Variants in IMMP2L observed in about 807,000 individuals in gnomAD.
IMMP2L encodes the protein mitochondrial inner membrane protease subunit 2.
IMMP2L carries 18 observed loss-of-function variants against 19.3 expected under a neutral mutation model. The ratio of observed to expected loss-of-function variants is 0.93; its 90% CI spans 0.64 to 1.38. The LOEUF is 1.38. Among genes scored for constraint, IMMP2L ranks in the 40% most tolerant of loss-of-function variants. IMMP2L has a pLI of 0.00. For missense variants in IMMP2L, 233 were observed against 218.2 expected (o/e 1.07, Z -0.43); for synonymous variants, 76 against 73.0 (o/e 1.04, Z -0.21).
At chr7:111,527,111 A>G (rs1445485507) in intron 1 of IMMP2L, among the ~76,000 whole-genome samples, 1 of 152,008 alleles carries the variant, frequency 6.6e-6, no homozygotes, top group Non-Finnish European at 1.5e-5. Flanking sequence ...GTCTATAACC[A>G]GTTCCATGAC....
Position 111,031,876 on chromosome 7 carries a change from T to C in IMMP2L, c.240-68311A>G, listed in dbSNP as rs147805685. On this transcript the variant is annotated intron_variant, in intron 3 of 5. Coordinates refer to ENST00000405709, the MANE Select transcript of IMMP2L (RefSeq NM_032549.4). The stretch of plus-strand genomic sequence containing the variant: ...ACATAATGAAAAGGCACTTTACCTC[T>C]GTGGTCTTACTCCAGAAAAAACCTA... Among the ~76,000 whole-genome samples, 1,075 of 152,082 alleles carry C rather than the reference T, an allele frequency of 7.1e-3. 13 individuals are homozygous for C. The highest frequency in any genetic ancestry group is 0.025 in the African/African-American group (1,023 of 41,468).
intron 3 of IMMP2L, among the ~76,000 whole-genome samples, chr7:111,352,439 C>T (rs956702683): frequency 2.0e-5 from 3 of 149,906 alleles, no homozygotes; most frequent in African/African-American, 7.4e-5. Context: ...AAACTCCTGG[C>T]CTTGAGTAAT....
chr7:111,110,004 G>A (rs867337992), intron 3 of IMMP2L, among the ~76,000 whole-genome samples: 2 of 152,222 alleles, frequency 1.3e-5, no homozygotes, highest in South Asian at 2.1e-4. Flanking sequence ...CATGATGGAT[G>A]AACACCTGTA....
intron 1 of IMMP2L, among the ~76,000 whole-genome samples, chr7:111,541,966 T>C (rs1272840652): frequency 6.6e-6 from 1 of 152,074 alleles, no homozygotes; most frequent in Admixed American, 6.6e-5. Flanking sequence ...AGGTGAGTTT[T>C]AAAAATAAAA....
intron 3 of IMMP2L, among the ~76,000 whole-genome samples, chr7:111,224,954 A>T (rs565724791): frequency 6.6e-6 from 1 of 152,248 alleles, no homozygotes; most frequent in South Asian, 2.1e-4. Context: ...GTGTTTTATT[A>T]TTCTGTGTGG....
intron 3 of IMMP2L, among the ~76,000 whole-genome samples, chr7:111,364,379 G>A (rs1829564567): frequency 6.6e-6 from 1 of 151,976 alleles, no homozygotes; most frequent in African/African-American, 2.4e-5. Context: ...ACTAGGCAGA[G>A]TATACATACG....
intron 2 of IMMP2L, among the ~76,000 whole-genome samples, chr7:111,512,680 G>T (rs774014719): frequency 3.3e-5 from 5 of 151,946 alleles, no homozygotes; most frequent in East Asian, 1.9e-4. Flanking sequence ...AACAAAGCTG[G>T]AGGCATCACA....
chr7:111,257,434 T>C (rs1587082290), intron 3 of IMMP2L, among the ~76,000 whole-genome samples: 1 of 152,330 alleles, frequency 6.6e-6, no homozygotes, highest in Admixed American at 6.5e-5. Context: ...TGCTTTCATT[T>C]ACACAATCAC....
chr7:111,393,918 T>C (rs964029490), intron 3 of IMMP2L, among the ~76,000 whole-genome samples: 12 of 152,160 alleles, frequency 7.9e-5, no homozygotes, highest in Admixed American at 5.9e-4. Flanking sequence ...GAGATCAGGA[T>C]TGGAACAGTT....
chr7:111,480,168 C>G lies in IMMP2L; in HGVS notation c.239+7070G>C, dbSNP rs891269592. Among the ~76,000 whole-genome samples the G allele has an allele frequency of 1.8e-4, 27 of 151,340 alleles. 1 individual carries two copies. Among genetic ancestry groups the G allele is most frequent in the African/African-American group, 4.6e-4 (19 of 41,186 alleles). On this transcript the variant is annotated intron_variant, in intron 3 of 5. Transcript: ENST00000405709. Reference sequence around the variant, plus strand: ...GCGCAATCTCGGCTCACTGCAAGCTCCGCCTCCCAGGTTCACGCCATTCTC... The same window carrying G: ...GCGCAATCTCGGCTCACTGCAAGCTGCGCCTCCCAGGTTCACGCCATTCTC...
intron 5 of IMMP2L, among the ~76,000 whole-genome samples, chr7:110,798,227 C>G (rs1432405946): frequency 6.6e-6 from 1 of 151,806 alleles, no homozygotes; most frequent in Non-Finnish European, 1.5e-5. Flanking sequence ...TTAACTAATT[C>G]AAACAGATAA....
chr7:111,463,270 A>G (rs113371377), intron 3 of IMMP2L, among the ~76,000 whole-genome samples: 4 of 152,124 alleles, frequency 2.6e-5, no homozygotes, highest in African/African-American at 9.6e-5. Context: ...CCTCATTTTA[A>G]CTTGATTACT....
At chr7:111,000,497 A>C (rs920632800) in intron 3 of IMMP2L, among the ~76,000 whole-genome samples, 3 of 152,170 alleles carry the variant, frequency 2.0e-5, no homozygotes, top group African/African-American at 7.2e-5. Context: ...TTTTGAAAAT[A>C]CCTTTTCTCA....
At chr7:111,014,418 T>C (rs1825290289) in intron 3 of IMMP2L, among the ~76,000 whole-genome samples, 1 of 152,110 alleles carries the variant, frequency 6.6e-6, no homozygotes, top group Non-Finnish European at 1.5e-5. Flanking sequence ...CACTTATGTA[T>C]GTACAAATTA....
chr7:111,066,233 G>A (rs1337304282), intron 3 of IMMP2L, among the ~76,000 whole-genome samples: 4 of 151,776 alleles, frequency 2.6e-5, no homozygotes, highest in Non-Finnish European at 5.9e-5. Flanking sequence ...CACCCAACTC[G>A]GCCTCCCAAA....
intron 3 of IMMP2L, among the ~76,000 whole-genome samples, chr7:111,135,879 G>A (rs531140787): frequency 6.6e-6 from 1 of 152,116 alleles, no homozygotes; most frequent in Non-Finnish European, 1.5e-5. Context: ...CACTTTCAAG[G>A]TATCATCAAA....
intron 3 of IMMP2L, among the ~76,000 whole-genome samples, chr7:111,147,295 G>C (rs1397078121): frequency 6.6e-6 from 1 of 151,954 alleles, no homozygotes; most frequent in African/African-American, 2.4e-5. Context: ...CAAATATCTT[G>C]TGATTGATGG....
chr7:111,002,130 G>A (rs567577296), intron 3 of IMMP2L, among the ~76,000 whole-genome samples: 1 of 152,082 alleles, frequency 6.6e-6, no homozygotes, highest in Non-Finnish European at 1.5e-5. Flanking sequence ...AGTGCAGGGA[G>A]TACAAATGAA....
intron 3 of IMMP2L, among the ~76,000 whole-genome samples, chr7:111,103,764 G>A (rs191492009): frequency 3.7e-4 from 56 of 151,490 alleles, no homozygotes; most frequent in African/African-American, 1.4e-3. Context: ...AACTTTTAAC[G>A]CATTATTTTA....
Sources: allele counts gnomAD v4.1 joint callset (sites outside exome capture counted in the v4.1 genomes callset), GRCh38; gene constraint gnomAD v4.1.1; transcripts MANE v1.5; gene names NCBI Gene and HGNC (gene_info 2026-07-23, HGNC 2026-07-21).